The following SYT2 variants were observed in gnomAD, a reference collection of about 807,000 sequenced individuals.
SYT2 encodes synaptotagmin 2.
A neutral mutation model predicts 39.9 loss-of-function variants in SYT2; 15 were observed. That is an observed-to-expected ratio of 0.38 (90% CI 0.25 to 0.58). The LOEUF is 0.58. Among genes scored for constraint, SYT2 ranks in the 20% least tolerant of loss-of-function variants. The pLI, the probability that SYT2 is intolerant of heterozygous loss-of-function variation, is 0.70. For synonymous variants in SYT2, 181 were observed against 204.5 expected (o/e 0.89, Z 0.98); for missense variants, 389 against 530.3 (o/e 0.73, Z 2.62).
In SYT2 at chr1:202,633,388, A is replaced by G. The variant is rs115586002; in HGVS notation, c.-17-27599T>C. ...GCCAGGGAAGACTGAGGGGATGTGT[A>G]GGTGAGGTGGCTTTTTTCTGGCTGA... On this transcript the variant is annotated intron_variant, in intron 1 of 8. Transcript: ENST00000367268. 4.7e-3 allele frequency among the ~76,000 whole-genome samples: 720 copies of G among 152,234 alleles called. 4 individuals are homozygous for G. Among genetic ancestry groups the G allele is most frequent in the African/African-American group, 0.017 (690 of 41,542 alleles).
chr1:202,591,101 T>G lies in SYT2; in HGVS notation c.*5656A>C, dbSNP rs1003282904. On this transcript the variant is annotated 3_prime_UTR_variant, in exon 9 of 9. Coordinates refer to ENST00000367268, the MANE Select transcript of SYT2 (RefSeq NM_177402.5). ...AGAGAGCTGGAGGAAGCAAGACATGTCTTCACTGGTCCAAGCACCTGATTC... is the reference window on the plus strand; with the variant it reads ...AGAGAGCTGGAGGAAGCAAGACATGGCTTCACTGGTCCAAGCACCTGATTC... The G allele has an allele frequency of 2.0e-5, 3 of 152,244 alleles. No individual in the cohort carries two copies. The highest frequency in any genetic ancestry group is 2.9e-5 in the Non-Finnish European group (2 of 68,078). 9.4% of individuals were successfully genotyped at this position (152,244 alleles called of 1,614,324 possible).
chr1:202,596,619 A>C lies in SYT2; in HGVS notation c.*138T>G. ...AGGGAAGTTGGTCTTTAAAAAGAGA[A>C]AAACAAGGAAAAACAAGGACACAAC... is the stretch of plus-strand genomic sequence containing the variant. On this transcript the variant is annotated 3_prime_UTR_variant, in exon 9 of 9. Transcript: ENST00000367268. 1 of 827,978 alleles carries C rather than the reference A, an allele frequency of 1.2e-6. No individual in the cohort carries two copies. Among genetic ancestry groups the C allele is most frequent in the Non-Finnish European group, 1.8e-6 (1 of 542,832 alleles). The allele number at this position is 827,978 out of a possible 1,614,324, so 51.3% of individuals were successfully genotyped here.
At chr1:202,626,767 C>T (rs567598336) in intron 1 of SYT2, among the ~76,000 whole-genome samples, 3 of 152,230 alleles carry the variant, frequency 2.0e-5, no homozygotes, top group South Asian at 2.1e-4. Flanking sequence ...CATGAGAGAA[C>T]GTGGGCTTTA....
At chr1:202,710,023 A>G (rs1392422712) in intron 1 of SYT2, among the ~76,000 whole-genome samples, 1 of 151,142 alleles carries the variant, frequency 6.6e-6, no homozygotes, top group Non-Finnish European at 1.5e-5. Flanking sequence ...AGTCCCTCAG[A>G]GGAGCCGGCT....
At chr1:202,678,688 G>A (rs1653447443) in intron 1 of SYT2, among the ~76,000 whole-genome samples, 1 of 151,970 alleles carries the variant, frequency 6.6e-6, no homozygotes, top group South Asian at 2.1e-4. Flanking sequence ...CCTCTGATAG[G>A]ATCCTGCTCG....
intron 1 of SYT2, among the ~76,000 whole-genome samples, chr1:202,675,145 C>G (rs1653331427): frequency 6.6e-6 from 1 of 152,098 alleles, no homozygotes; most frequent in Admixed American, 6.5e-5. Context: ...CATATGATGT[C>G]TGCATATGTG....
At chr1:202,602,574 T>C (rs1432363119) in intron 4 of SYT2, 29 bp from the exon 5 acceptor site, 11 of 1,598,064 alleles carry the variant, frequency 6.9e-6, no homozygotes, top group Non-Finnish European at 8.5e-6. Context: ...AGAAGGGGCC[T>C]GAGTCTCAGG....
Position 202,601,325 on chromosome 1 carries a change from G to C in SYT2, c.801+565C>G, listed in dbSNP as rs2149067865. On this transcript the variant is annotated intron_variant, in intron 6 of 8. Coordinates refer to ENST00000367268, the MANE Select transcript of SYT2 (RefSeq NM_177402.5). The surrounding 1 kb of genome is among the most constrained non-coding windows in gnomAD (Gnocchi z 4.0). ...AGGATGTCTTAAGCTTCTCTACTCA[G>C]CCCTCCATCACTGCCTAGAGTGTGC... Among the ~76,000 whole-genome samples the C allele has an allele frequency of 6.6e-6, 1 of 152,350 alleles. No individual in the cohort carries two copies. Among genetic ancestry groups the C allele is most frequent in the East Asian group, 1.9e-4 (1 of 5,186 alleles).
intron 3 of SYT2, among the ~76,000 whole-genome samples, 159 bp from the exon 4 acceptor site, chr1:202,603,277 C>A (rs1690582936): frequency 6.6e-6 from 1 of 152,116 alleles, no homozygotes; most frequent in Admixed American, 6.5e-5. Context: ...GCCATGGGAC[C>A]CTCCTTCACG....
chr1:202,697,508 C>A (rs760488055), intron 1 of SYT2, among the ~76,000 whole-genome samples: 1 of 152,228 alleles, frequency 6.6e-6, no homozygotes, highest in Admixed American at 6.5e-5. Flanking sequence ...TGACTTGCTG[C>A]GAACCTCACG....
intron 1 of SYT2, among the ~76,000 whole-genome samples, chr1:202,650,103 G>A (rs967891781): frequency 5.9e-5 from 9 of 152,210 alleles, no homozygotes; most frequent in East Asian, 1.9e-4. Context: ...AGAGGGCCCC[G>A]GAAGAGGAAA....
intron 1 of SYT2, among the ~76,000 whole-genome samples, chr1:202,629,913 C>T (rs1193851196): frequency 1.9e-5 from 2 of 103,478 alleles, no homozygotes; most frequent in Non-Finnish European, 5.0e-5. Context: ...AGAAGTGACT[C>T]TGGAAGTCAC....
chr1:202,684,886 C>G lies in SYT2; in HGVS notation c.-18+25372G>C, dbSNP rs377558647. ...CTTCTAGCACTGACACCCAACCCCC[C>G]TCTCTGGCACCTGATGCCCTCCAGG... On this transcript the variant is annotated intron_variant, in intron 1 of 8. Transcript: ENST00000367268. Among the ~76,000 whole-genome samples the G allele has an allele frequency of 5.3e-5, 8 of 152,334 alleles. No individual in the cohort carries two copies. The East Asian group carries it at 1.3e-3, about 26-fold the overall frequency.
chr1:202,603,171 T>C, intron 3 of SYT2, 53 bp from the exon 4 acceptor site: 2 of 1,608,578 alleles, frequency 1.2e-6, no homozygotes, highest in Non-Finnish European at 1.7e-6. Context: ...GACCGAGAAG[T>C]CTGGCTTAGC....
At chr1:202,650,006 A>G (rs1692160914) in intron 1 of SYT2, among the ~76,000 whole-genome samples, 1 of 152,202 alleles carries the variant, frequency 6.6e-6, no homozygotes, top group Admixed American at 6.5e-5. Flanking sequence ...CCCCTCCGTA[A>G]GGGCTTTTCC....
intron 1 of SYT2, among the ~76,000 whole-genome samples, chr1:202,648,346 A>G (rs1031755945): frequency 1.3e-5 from 2 of 151,964 alleles, no homozygotes; most frequent in African/African-American, 4.8e-5. Context: ...ATGCCTGGCT[A>G]ATTTTTGTAT....
chr1:202,645,810 T>G (rs1021378232), intron 1 of SYT2, among the ~76,000 whole-genome samples: 1 of 151,916 alleles, frequency 6.6e-6, no homozygotes, highest in African/African-American at 2.4e-5. Flanking sequence ...TGGGCCAAAA[T>G]GGGGGAGGAT....
At position 202,698,117 on chromosome 1, in the gene SYT2, C is replaced by CCCA. The variant is rs142057569; in HGVS notation, c.-18+12138_-18+12140dup. On this transcript the variant is annotated intron_variant, in intron 1 of 8. Transcript: ENST00000367268. Reference sequence around the variant, plus strand: ...GCAGCGTCCAGGGTCTCACCACCCCCCCAAGGAAAGTTCACTCTGCTCAAG... The same window carrying CCCA: ...GCAGCGTCCAGGGTCTCACCACCCCCCCACCAAGGAAAGTTCACTCTGCTCAAG... Among the ~76,000 whole-genome samples, 2,917 of 152,030 alleles carry CCCA rather than the reference C, an allele frequency of 0.019. 179 individuals carry two copies. In the East Asian group the frequency reaches 0.22, roughly 11 times the overall value.
intron 1 of SYT2, chr1:202,631,896 G>C (rs976807089): frequency 2.4e-6 from 1 of 411,536 alleles, no homozygotes; most frequent in Non-Finnish European, 3.3e-6. Flanking sequence ...CCAACCCTGA[G>C]AGCCTCTAAA....
Sources: gnomAD v4.1 joint callset for allele counts (sites outside exome capture counted in the v4.1 genomes callset) on GRCh38, gnomAD v4.1.1 for gene constraint, Gnocchi (gnomAD v3.1) non-coding constraint, MANE v1.5 for transcripts, NCBI Gene and HGNC (gene_info 2026-07-23, HGNC 2026-07-21) for gene names.